Variants in SPIN1 observed in about 807,000 individuals in gnomAD.
The protein encoded by SPIN1 is spindlin-1.
Under a neutral mutation model 26.0 loss-of-function variants are expected in SPIN1, and 3 were observed. The observed-to-expected ratio is 0.12, with a 90% confidence interval of 0.05 to 0.30. The LOEUF is 0.30. Among genes scored for constraint, SPIN1 ranks in the 10% least tolerant of loss-of-function variants. The pLI is 1.00. For synonymous variants in SPIN1, 101 were observed against 116.5 expected (o/e 0.87, Z 0.86); for missense variants, 126 against 333.4 (o/e 0.38, Z 4.84).
intron 1 of SPIN1, among the ~76,000 whole-genome samples, chr9:88,409,088 TG>T (rs1024180239): frequency 2.4e-4 from 37 of 151,408 alleles, no homozygotes; most frequent in Admixed American, 8.5e-4. Flanking sequence ...CTCCACCTCC[TG>T]GGTTCAAGAG....
At position 88,475,152 on chromosome 9, in the gene SPIN1, A is replaced by C; in HGVS notation, c.664A>C (p.Lys222Gln). The change falls in exon 6 of 6, where the codon AAA (lysine) becomes CAA (glutamine). Residue 222 changes from lysine to glutamine, a missense_variant. By Grantham distance (53) the Lys-to-Gln change is moderately conservative. Coordinates refer to ENST00000375859, the MANE Select transcript of SPIN1 (RefSeq NM_006717.3). ...GGTAGGCAAACAAGTGGAATATGCC[A>C]AAGAAGATGGCTCGAAAAGGACTGG... ...SLVGKQVEYA[K>Q]EDGSKRTGMV... 1 of 1,613,618 alleles carries C rather than the reference A, an allele frequency of 6.2e-7. No homozygotes were observed. Among genetic ancestry groups the C allele is most frequent in the Non-Finnish European group, 8.5e-7 (1 of 1,179,980 alleles).
In SPIN1 at chr9:88,420,566, T is replaced by C; in HGVS notation, c.-158-5816T>C. On this transcript the variant is annotated intron_variant, in intron 1 of 5. Transcript: ENST00000375859. ...CCACATTTTCCATACAAGGTTGGTTTATGAGTTATAGCAATTTGATTAGTT... is the reference window on the plus strand; with the variant it reads ...CCACATTTTCCATACAAGGTTGGTTCATGAGTTATAGCAATTTGATTAGTT... Among the ~76,000 whole-genome samples, 2 of 152,236 alleles carry C rather than the reference T, an allele frequency of 1.3e-5. 1 individual carries two copies.
intron 1 of SPIN1, among the ~76,000 whole-genome samples, chr9:88,388,795 C>T (rs1215657415): frequency 6.6e-6 from 1 of 150,390 alleles, no homozygotes; most frequent in African/African-American, 2.4e-5. Context: ...GCCCCCATCC[C>T]CGCCGCCCCC....
At chr9:88,410,602 T>C in intron 1 of SPIN1, 1 of 927,000 alleles carries the variant, frequency 1.1e-6, no homozygotes, top group Non-Finnish European at 1.8e-6. Context: ...GTTTCATGGT[T>C]TGGCATAGTA....
intron 1 of SPIN1, among the ~76,000 whole-genome samples, chr9:88,388,967 G>C (rs1460374700): frequency 6.6e-6 from 1 of 151,128 alleles, no homozygotes; most frequent in Non-Finnish European, 1.5e-5. Context: ...TGCAGGCGGG[G>C]AGGGGGAACG....
intron 3 of SPIN1, 51 bp downstream of exon 3, chr9:88,449,040 C>A: frequency 6.3e-7 from 1 of 1,581,782 alleles, no homozygotes. Flanking sequence ...CCTTTTGTTA[C>A]GCAGCATACA....
At chr9:88,440,384 CCT>C (rs1372215933) in intron 2 of SPIN1, among the ~76,000 whole-genome samples, 1 of 152,174 alleles carries the variant, frequency 6.6e-6, no homozygotes, top group African/African-American at 2.4e-5. Flanking sequence ...GTCTCGGACT[CCT>C]GAGCTCAAGC....
chr9:88,475,163 C>T lies in SPIN1; in HGVS notation c.675C>T (p.Gly225=), dbSNP rs751437495. ...GKQVEYAKED[G]SKRTGMVIHQ... ...AAGTGGAATATGCCAAAGAAGATGG[C>T]TCGAAAAGGACTGGCATGGTCATTC... Residue 225 remains glycine, a synonymous_variant, in exon 6 of 6, where the codon GGC becomes GGT. Coordinates refer to ENST00000375859, the MANE Select transcript of SPIN1 (RefSeq NM_006717.3). 6.2e-7 allele frequency: 1 copy of T among 1,612,052 alleles called. No individual in the cohort carries two copies. The highest frequency in any genetic ancestry group is 2.2e-5 in the East Asian group (1 of 44,762).
At chr9:88,389,938 T>C (rs1826882960) in intron 1 of SPIN1, among the ~76,000 whole-genome samples, 1 of 151,358 alleles carries the variant, frequency 6.6e-6, no homozygotes, top group South Asian at 2.1e-4. Context: ...CCCCCTCAGC[T>C]TTAGTTAAAA....
At chr9:88,434,164 A>G (rs1827947083) in intron 2 of SPIN1, among the ~76,000 whole-genome samples, 1 of 152,100 alleles carries the variant, frequency 6.6e-6, no homozygotes, top group Non-Finnish European at 1.5e-5. Flanking sequence ...GTCTACACAA[A>G]GTTCACTTAA....
intron 2 of SPIN1, among the ~76,000 whole-genome samples, chr9:88,440,452 C>A (rs1202337725): frequency 6.6e-6 from 1 of 151,850 alleles, no homozygotes; most frequent in Non-Finnish European, 1.5e-5. Context: ...AGCCCCGTGC[C>A]CAGCCAGTTA....
chr9:88,400,131 G>A (rs73652552), intron 1 of SPIN1, among the ~76,000 whole-genome samples: 8,218 of 152,190 alleles, frequency 0.054, 711 homozygotes, highest in African/African-American at 0.18. Context: ...TGCCCAGCAC[G>A]GTACTGTCTT....
intron 1 of SPIN1, among the ~76,000 whole-genome samples, chr9:88,405,816 G>A (rs1827289601): frequency 6.6e-6 from 1 of 151,606 alleles, no homozygotes; most frequent in Non-Finnish European, 1.5e-5. Flanking sequence ...TAGACAATAG[G>A]AATTTTTTAG....
chr9:88,409,991 G>C (rs1827402497), intron 1 of SPIN1, among the ~76,000 whole-genome samples: 1 of 152,078 alleles, frequency 6.6e-6, no homozygotes, highest in African/African-American at 2.4e-5. Flanking sequence ...CCGAATTTTA[G>C]TTCTTTTCTC....
At chr9:88,433,429 A>G (rs1294493643) in intron 2 of SPIN1, among the ~76,000 whole-genome samples, 1 of 151,992 alleles carries the variant, frequency 6.6e-6, no homozygotes, top group Non-Finnish European at 1.5e-5. Flanking sequence ...CTTGTTGCTG[A>G]CGAGTTTCTT....
intron 5 of SPIN1, among the ~76,000 whole-genome samples, chr9:88,471,033 T>G (rs1828772927): frequency 6.6e-6 from 1 of 152,208 alleles, no homozygotes; most frequent in Admixed American, 6.5e-5. Flanking sequence ...ATGTTGCAAA[T>G]GTTTTCTCCT....
At chr9:88,420,953 G>A (rs1260791847) in intron 1 of SPIN1, among the ~76,000 whole-genome samples, 1 of 152,164 alleles carries the variant, frequency 6.6e-6, no homozygotes. Context: ...CGTAGCCTCT[G>A]CTCTGCTCAT....
intron 1 of SPIN1, among the ~76,000 whole-genome samples, chr9:88,389,000 CGGGGGCGGGGCG>C (rs925850452): frequency 1.7e-4 from 15 of 88,706 alleles, no homozygotes; most frequent in African/African-American, 6.3e-4. Context: ...GGGCCGGCGA[CGGGGGCGGGGCG>C]GGGGGAGGGG....
At chr9:88,463,924 A>C (rs1028027235) in intron 4 of SPIN1, among the ~76,000 whole-genome samples, 6 of 152,152 alleles carry the variant, frequency 3.9e-5, no homozygotes, top group Admixed American at 1.3e-4. Context: ...AACATATTAA[A>C]AATCTTAACA....
Sources: gnomAD v4.1 joint callset for allele counts (sites outside exome capture counted in the v4.1 genomes callset) on GRCh38, gnomAD v4.1.1 for gene constraint, MANE v1.5 for transcripts, NCBI Gene and HGNC (gene_info 2026-07-23, HGNC 2026-07-21) for gene names.